The following JMJD1C variants were observed in gnomAD, a reference collection of about 807,000 sequenced individuals.
JMJD1C encodes the protein jumonji domain containing 1C, also known as jumonji domain-containing protein 1C.
JMJD1C carries 31 observed loss-of-function variants against 245.3 expected under a neutral mutation model. The observed-to-expected ratio is 0.13, with a 90% CI of 0.09 to 0.17. The LOEUF (loss-of-function observed/expected upper bound fraction) is 0.17. Ranked by LOEUF, JMJD1C falls within the 10% of genes least tolerant of loss-of-function variation. JMJD1C has a pLI of 1.00. For synonymous variants in JMJD1C, 1,057 were observed against 1,017.4 expected (o/e 1.04, Z -0.74); for missense variants, 2,691 against 3,000.2 (o/e 0.90, Z 2.41).
chr10:63,492,745 A>G (rs1954216739), intron 1 of JMJD1C, among the ~76,000 whole-genome samples: 1 of 152,186 alleles, frequency 6.6e-6, no homozygotes, highest in Non-Finnish European at 1.5e-5. Context: ...AAAAATAATC[A>G]CTAAAAATAT....
intron 1 of JMJD1C, among the ~76,000 whole-genome samples, chr10:63,499,542 C>G (rs575322932): frequency 6.6e-6 from 1 of 151,928 alleles, no homozygotes; most frequent in African/African-American, 2.4e-5. Context: ...TCATGGCCTT[C>G]GTGTCAAGTG....
At chr10:63,349,027 G>C (rs973293356) in intron 2 of JMJD1C, among the ~76,000 whole-genome samples, 1 of 135,496 alleles carries the variant, frequency 7.4e-6, no homozygotes, top group Admixed American at 9.0e-5. Context: ...CTTGAATCCA[G>C]AAGTCAGAGG....
At chr10:63,339,855 G>A (rs966596088) in intron 2 of JMJD1C, among the ~76,000 whole-genome samples, 1 of 152,174 alleles carries the variant, frequency 6.6e-6, no homozygotes, top group Non-Finnish European at 1.5e-5. Context: ...AATGATGACT[G>A]CAAGATTTTT....
At chr10:63,434,731 A>C (rs72837025) in intron 1 of JMJD1C, among the ~76,000 whole-genome samples, 21,419 of 151,968 alleles carry the variant, frequency 0.14, 2,098 homozygotes, top group East Asian at 0.29. Context: ...AACAAACAAA[A>C]AAAAAAGATT....
intron 3 of JMJD1C, among the ~76,000 whole-genome samples, chr10:63,223,417 G>A (rs900809468): frequency 6.6e-6 from 1 of 151,800 alleles, no homozygotes; most frequent in Admixed American, 6.6e-5. Context: ...TAGTAGAGAC[G>A]GGGTTTCACC....
At chr10:63,503,541 T>A (rs893482255) in intron 1 of JMJD1C, among the ~76,000 whole-genome samples, 2 of 152,186 alleles carry the variant, frequency 1.3e-5, no homozygotes, top group African/African-American at 2.4e-5. Context: ...ATACCAGTAA[T>A]GTGCCTGCCC....
At chr10:63,505,260 T>C (rs10995550) in intron 1 of JMJD1C, among the ~76,000 whole-genome samples, 3,958 of 144,632 alleles carry the variant, frequency 0.027, 185 homozygotes, top group African/African-American at 0.096. Flanking sequence ...GAGCTTGAAG[T>C]GAGCCGAGAT....
intron 3 of JMJD1C, among the ~76,000 whole-genome samples, chr10:63,240,379 A>C (rs1257444123): frequency 6.6e-6 from 1 of 152,254 alleles, no homozygotes; most frequent in East Asian, 1.9e-4. Flanking sequence ...GAAGTATCAG[A>C]GTAGCAACAG....
At chr10:63,204,386 T>C in intron 10 of JMJD1C, 1 of 984,778 alleles carries the variant, frequency 1.0e-6, no homozygotes, top group Non-Finnish European at 1.2e-6. Context: ...AATATGTATA[T>C]TCGTCTCAAG....
intron 3 of JMJD1C, chr10:63,222,941 A>G: frequency 5.3e-6 from 8 of 1,499,078 alleles, no homozygotes; most frequent in Non-Finnish European, 7.4e-6. Flanking sequence ...ACCCTGCCAT[A>G]TAATTCAAAT....
intron 1 of JMJD1C, among the ~76,000 whole-genome samples, chr10:63,494,657 G>A (rs537157785): frequency 1.3e-5 from 2 of 152,296 alleles, no homozygotes; most frequent in African/African-American, 4.8e-5. Context: ...TAGAAATCTT[G>A]TCCTATCAAA....
chr10:63,505,811 T>TC (rs1395548249), intron 1 of JMJD1C, among the ~76,000 whole-genome samples: 91 of 98,814 alleles, frequency 9.2e-4, no homozygotes, highest in Admixed American at 1.8e-3. Context: ...ATAGCCCTCC[T>TC]CCCCCCACAG....
chr10:63,396,312 T>G (rs1948483068), intron 1 of JMJD1C, among the ~76,000 whole-genome samples: 1 of 152,176 alleles, frequency 6.6e-6, no homozygotes, highest in Non-Finnish European at 1.5e-5. Context: ...GGGCCGAAGA[T>G]TACTGAACTT....
In JMJD1C at chr10:63,207,375, A is replaced by G. The variant is rs1846757753; in HGVS notation, c.4294T>C (p.Cys1432Arg). Residue 1432 changes from cysteine to arginine, a missense_variant, in exon 10 of 26, where the codon TGT (cysteine) becomes CGT (arginine). Physicochemically the swap from Cys to Arg is radical, Grantham distance 180. Coordinates refer to ENST00000399262, the MANE Select transcript of JMJD1C (RefSeq NM_032776.3). ...TGACTGACACTTTTTGAAGATACAC[A>G]TTCTGATGATGTAGAGGCCAAAATG... ...NTILASTSSE[C>R]VSSKSVSQPV... The G allele has an allele frequency of 6.2e-7, 1 of 1,614,056 alleles. No homozygotes were observed. The highest frequency in any genetic ancestry group is 2.2e-5 in the East Asian group (1 of 44,888).
intron 1 of JMJD1C, among the ~76,000 whole-genome samples, chr10:63,396,192 T>C (rs1005231537): frequency 1.6e-4 from 25 of 152,098 alleles, no homozygotes; most frequent in Non-Finnish European, 3.5e-4. Context: ...AATGATGATA[T>C]ATATACAGAG....
chr10:63,458,718 T>TTTTTA (rs60624631), intron 1 of JMJD1C, among the ~76,000 whole-genome samples: 78,229 of 122,562 alleles, frequency 0.64, 21,534 homozygotes, highest in South Asian at 0.71. Flanking sequence ...TATAGCTTTT[T>TTTTTA]TTTTATTTAT....
chr10:63,484,903 G>C (rs1953946382), intron 1 of JMJD1C, among the ~76,000 whole-genome samples: 1 of 151,646 alleles, frequency 6.6e-6, no homozygotes, highest in Non-Finnish European at 1.5e-5. Flanking sequence ...ACTACTGCAA[G>C]GCCCTAGAGG....
rs1846788386 is a variant in JMJD1C at position 63,207,552 on chromosome 10, G to C, written c.4117C>G (p.Gln1373Glu). The change falls in exon 10 of 26, where the codon CAG (glutamine) becomes GAG (glutamate). Residue 1373 changes from glutamine to glutamate, a missense_variant. Gln to Glu is a conservative substitution (Grantham distance 29, BLOSUM62 2). This residue lies in a region of JMJD1C where 1,562 missense variants were observed against 1,490.7 expected (regional missense o/e 1.05). Coordinates refer to ENST00000399262, the MANE Select transcript of JMJD1C (RefSeq NM_032776.3). ...GGAACACTGCCCTGTGAGACAGCCTGAAAGTTTTTTTCAGATTTTGTGTGA... is the reference window on the plus strand; with the variant it reads ...GGAACACTGCCCTGTGAGACAGCCTCAAAGTTTTTTTCAGATTTTGTGTGA... ...SVHTKSEKNF[Q>E]AVSQGSVPSS... 1 of 1,614,164 alleles carries C rather than the reference G, an allele frequency of 6.2e-7. No homozygotes were observed. Among genetic ancestry groups the C allele is most frequent in the Non-Finnish European group, 8.5e-7 (1 of 1,180,018 alleles).
At chr10:63,418,721 G>T (rs946488010) in intron 1 of JMJD1C, among the ~76,000 whole-genome samples, 1 of 146,528 alleles carries the variant, frequency 6.8e-6, no homozygotes, top group Non-Finnish European at 1.5e-5. Flanking sequence ...AAAATATCAT[G>T]TGGGGGGGGT....
Sources: gnomAD v4.1 joint callset for allele counts (sites outside exome capture counted in the v4.1 genomes callset) on GRCh38, gnomAD v4.1.1 for gene constraint, gnomAD v4.1.1 regional missense constraint, MANE v1.5 for transcripts, NCBI Gene and HGNC (gene_info 2026-07-23, HGNC 2026-07-21) for gene names.